Variants in CDK6 observed in about 807,000 individuals in gnomAD.
CDK6 encodes the protein cyclin dependent kinase 6.
In CDK6, 6 loss-of-function variants were observed where a neutral mutation model predicts 37.1. The ratio of observed to expected loss-of-function variants is 0.16; its 90% CI spans 0.09 to 0.32. CDK6 has a LOEUF of 0.32. Among genes scored for constraint, CDK6 ranks in the 10% least tolerant of loss-of-function variants. The pLI is 1.00. For synonymous variants in CDK6, 160 were observed against 161.3 expected (o/e 0.99, Z 0.06); for missense variants, 224 against 418.9 (o/e 0.53, Z 4.06).
At chr7:92,663,316 G>A (rs1347050218) in intron 5 of CDK6, among the ~76,000 whole-genome samples, 3 of 152,150 alleles carry the variant, frequency 2.0e-5, no homozygotes, top group East Asian at 1.9e-4. Flanking sequence ...AAGAGATGCC[G>A]CCACAGGGAA....
At chr7:92,677,306 G>C (rs1314390241) in intron 4 of CDK6, among the ~76,000 whole-genome samples, 1 of 152,086 alleles carries the variant, frequency 6.6e-6, no homozygotes. Flanking sequence ...TCAATGACCT[G>C]GGCCTACATT....
At chr7:92,680,817 C>T (rs1348032625) in intron 4 of CDK6, among the ~76,000 whole-genome samples, 1 of 152,170 alleles carries the variant, frequency 6.6e-6, no homozygotes, top group Non-Finnish European at 1.5e-5. Flanking sequence ...CCAGATCCTA[C>T]CCATCTTTCA....
chr7:92,606,337 T>A lies in CDK6; in HGVS notation c.*8803A>T. Reference sequence around the variant, plus strand: ...AGTCTGTGCCCAGCATCAGGAACCATCTCTAGATGAATGTGGCTAGGTCAA... The same window carrying A: ...AGTCTGTGCCCAGCATCAGGAACCAACTCTAGATGAATGTGGCTAGGTCAA... On this transcript the variant is annotated 3_prime_UTR_variant, in exon 8 of 8. Coordinates refer to ENST00000424848, the MANE Select transcript of CDK6 (RefSeq NM_001145306.2). 4.3e-6 allele frequency: 1 copy of A among 233,248 alleles called. No individual in the cohort carries two copies. Among genetic ancestry groups the A allele is most frequent in the Non-Finnish European group, 8.5e-6 (1 of 118,018 alleles). 14.4% of individuals were successfully genotyped at this position (233,248 alleles called of 1,614,324 possible).
chr7:92,832,300 C>G (rs1722606234), intron 2 of CDK6, among the ~76,000 whole-genome samples: 1 of 152,112 alleles, frequency 6.6e-6, no homozygotes, highest in Admixed American at 6.5e-5. Flanking sequence ...CTGCTGTCTC[C>G]CCACCCACTC....
chr7:92,690,405 G>A (rs1484692913), intron 4 of CDK6, among the ~76,000 whole-genome samples: 2 of 152,128 alleles, frequency 1.3e-5, no homozygotes, highest in East Asian at 1.9e-4. Context: ...TTTTTGTTAG[G>A]TTTGTTAAAA....
intron 3 of CDK6, among the ~76,000 whole-genome samples, chr7:92,766,677 A>T (rs1799589687): frequency 6.6e-6 from 1 of 152,228 alleles, no homozygotes; most frequent in South Asian, 2.1e-4. Flanking sequence ...GCACAGGCTA[A>T]ATTTAGATGA....
At chr7:92,728,220 GAGA>G (rs951889035) in intron 3 of CDK6, among the ~76,000 whole-genome samples, 2 of 152,162 alleles carry the variant, frequency 1.3e-5, no homozygotes, top group Middle Eastern at 3.2e-3. Context: ...TAAGAATCCA[GAGA>G]AGAAGAAAAA....
chr7:92,682,703 G>C (rs2116626176), intron 4 of CDK6, among the ~76,000 whole-genome samples: 1 of 152,300 alleles, frequency 6.6e-6, no homozygotes, highest in South Asian at 2.1e-4. Flanking sequence ...GATAAGGAGG[G>C]ATAACACAGG....
chr7:92,627,810 A>G (rs1795962591), intron 5 of CDK6, among the ~76,000 whole-genome samples: 1 of 152,098 alleles, frequency 6.6e-6, no homozygotes, highest in Non-Finnish European at 1.5e-5. Context: ...TTATATTTTG[A>G]TAGAGCTGTT....
In CDK6 at chr7:92,817,138, A is replaced by C. The variant is rs1049499553; in HGVS notation, c.233+15953T>G. ...TTAAGAAAGAAAGAATGCCAATCCT[A>C]CACAAAATCTTTCAGAAAATAGAAG... On this transcript the variant is annotated intron_variant, in intron 2 of 7. Transcript: ENST00000424848. 6.6e-5 allele frequency among the ~76,000 whole-genome samples: 10 copies of C among 152,000 alleles called. 1 individual carries two copies. The highest frequency in any genetic ancestry group is 4.1e-4 in the South Asian group (2 of 4,830).
chr7:92,693,099 T>C (rs765721315), intron 4 of CDK6, among the ~76,000 whole-genome samples: 6 of 152,226 alleles, frequency 3.9e-5, no homozygotes, highest in Admixed American at 6.5e-5. Context: ...ATAATCTGCA[T>C]AGTGGAAAAT....
At chr7:92,709,680 G>A (rs1157312387) in intron 4 of CDK6, among the ~76,000 whole-genome samples, 2 of 151,824 alleles carry the variant, frequency 1.3e-5, no homozygotes, top group Non-Finnish European at 2.9e-5. Flanking sequence ...TAATATTAAT[G>A]AAATTCACAT....
intron 4 of CDK6, among the ~76,000 whole-genome samples, chr7:92,711,936 C>T (rs941100248): frequency 1.3e-5 from 2 of 151,566 alleles, no homozygotes; most frequent in African/African-American, 4.8e-5. Flanking sequence ...AAGAAGGAAC[C>T]GTGACACTTT....
At chr7:92,701,621 G>A (rs1306244817) in intron 4 of CDK6, 2 of 152,288 alleles carry the variant, frequency 1.3e-5, no homozygotes, top group African/African-American at 2.4e-5. Context: ...TAGCCAGGAC[G>A]GTCTCGATCT....
chr7:92,754,795 A>G (rs1448676694), intron 3 of CDK6, among the ~76,000 whole-genome samples: 1 of 152,126 alleles, frequency 6.6e-6, no homozygotes, highest in Admixed American at 6.5e-5. Flanking sequence ...CCTAAAAGTC[A>G]CCATAGCTTG....
chr7:92,796,847 G>T (rs1372308528), intron 2 of CDK6, among the ~76,000 whole-genome samples: 2 of 152,050 alleles, frequency 1.3e-5, no homozygotes, highest in African/African-American at 2.4e-5. Flanking sequence ...TTTAGTCAGA[G>T]AAGTTATATC....
At chr7:92,770,417 A>C (rs1799683738) in intron 3 of CDK6, among the ~76,000 whole-genome samples, 1 of 151,694 alleles carries the variant, frequency 6.6e-6, no homozygotes, top group South Asian at 2.1e-4. Context: ...TTCTCAATGA[A>C]AATTTTCAGT....
chr7:92,617,833 C>A (rs1338822731), intron 7 of CDK6, among the ~76,000 whole-genome samples: 1 of 152,164 alleles, frequency 6.6e-6, no homozygotes, highest in African/African-American at 2.4e-5. Context: ...AATAAACATT[C>A]AAAGATGGCA....
At chr7:92,642,548 T>C (rs1796335229) in intron 5 of CDK6, among the ~76,000 whole-genome samples, 1 of 152,172 alleles carries the variant, frequency 6.6e-6, no homozygotes, top group African/African-American at 2.4e-5. Context: ...CTTTATCCTG[T>C]TCTAGAAAAG....
Sources: gnomAD v4.1 joint callset for allele counts (sites outside exome capture counted in the v4.1 genomes callset) on GRCh38, gnomAD v4.1.1 for gene constraint, MANE v1.5 for transcripts, NCBI Gene and HGNC (gene_info 2026-07-23, HGNC 2026-07-21) for gene names.